Variants in KIRREL3 observed in about 807,000 individuals in gnomAD.
The protein encoded by KIRREL3 is kin of IRRE-like protein 3.
KIRREL3 carries 36 observed loss-of-function variants against 89.7 expected under a neutral mutation model. The observed-to-expected ratio is 0.40, with a 90% CI of 0.31 to 0.53. The LOEUF is 0.53. Ranked by LOEUF, KIRREL3 falls within the 20% of genes least tolerant of loss-of-function variation. The pLI, the probability that KIRREL3 is intolerant of heterozygous loss-of-function variation, is 0.49. For synonymous variants in KIRREL3, 445 were observed against 441.4 expected, an observed-to-expected ratio of 1.01 and a Z score of -0.10; for missense variants, 864 against 1,056.6, an observed-to-expected ratio of 0.82 and a Z score of 2.53.
chr11:126,737,665 AG>A (rs1437512974), intron 1 of KIRREL3, among the ~76,000 whole-genome samples: 1 of 152,130 alleles, frequency 6.6e-6, no homozygotes, highest in South Asian at 2.1e-4. Context: ...TCTCCAGTAG[AG>A]GGGGGCATTT....
At chr11:126,554,280 G>A (rs1939528403) in intron 2 of KIRREL3, among the ~76,000 whole-genome samples, 1 of 152,144 alleles carries the variant, frequency 6.6e-6, no homozygotes. Flanking sequence ...TCATAGCAAG[G>A]CAGTAAATGC....
chr11:126,738,949 T>C (rs1244461084), intron 1 of KIRREL3, among the ~76,000 whole-genome samples: 1 of 152,218 alleles, frequency 6.6e-6, no homozygotes, highest in Non-Finnish European at 1.5e-5. Flanking sequence ...CAAACTATGA[T>C]TTTTTTGACT....
At chr11:126,488,802 C>T (rs192383700) in intron 4 of KIRREL3, among the ~76,000 whole-genome samples, 16 of 152,346 alleles carry the variant, frequency 1.1e-4, no homozygotes, top group East Asian at 9.6e-4. Context: ...CCCAAAATGA[C>T]GATCTAATCA....
chr11:126,960,483 A>G (rs1159843605), intron 1 of KIRREL3, among the ~76,000 whole-genome samples: 2 of 152,236 alleles, frequency 1.3e-5, no homozygotes, highest in African/African-American at 4.8e-5. Flanking sequence ...AGACAAGCAC[A>G]GAGCAAAACT....
At chr11:126,690,910 C>T (rs537836876) in intron 1 of KIRREL3, among the ~76,000 whole-genome samples, 40 of 152,284 alleles carry the variant, frequency 2.6e-4, no homozygotes, top group Admixed American at 1.3e-3. Flanking sequence ...TCACACTGTG[C>T]GAAGTCAGTT....
Position 126,687,578 on chromosome 11 carries a change from C to T in KIRREL3, c.56-124666G>A, listed in dbSNP as rs1181818572. 1.3e-5 allele frequency among the ~76,000 whole-genome samples: 2 copies of T among 152,170 alleles called. No homozygotes were observed. ...TTTGAAGGAGGTCTACTTCCTAAGA[C>T]ATTCTTCTGCTACCATCTCTTGCAT... On this transcript the variant is annotated intron_variant, in intron 1 of 16. Transcript: ENST00000525144. The surrounding 1 kb of genome is among the most constrained non-coding windows in gnomAD (Gnocchi z 4.6).
Position 126,443,343 on chromosome 11 carries a change from G to A in KIRREL3, c.1252+1636C>T, listed in dbSNP as rs903103234. 6.6e-6 allele frequency among the ~76,000 whole-genome samples: 1 copy of A among 152,200 alleles called. No homozygotes were observed. Among genetic ancestry groups the A allele is most frequent in the Non-Finnish European group, 1.5e-5 (1 of 68,022 alleles). ...TCACTGGGGCCTGGAGCTCTGAGCC[G>A]AGTGTCAGACACCTGCGCTGAAAGG... On this transcript the variant is annotated intron_variant, in intron 10 of 16. Coordinates refer to ENST00000525144, the MANE Select transcript of KIRREL3 (RefSeq NM_032531.4). This position sits in a 1 kb window ranked among gnomAD's most constrained non-coding sequence, Gnocchi z 7.3.
chr11:126,947,955 T>C (rs1202726223), intron 1 of KIRREL3, among the ~76,000 whole-genome samples: 2 of 152,190 alleles, frequency 1.3e-5, no homozygotes, highest in Non-Finnish European at 2.9e-5. Context: ...TGAAGCTACT[T>C]GATAAAACAT....
rs1477428489 is a variant in KIRREL3, at chr11:126,441,157, G to T, written c.1253-608C>A. Among the ~76,000 whole-genome samples the T allele has an allele frequency of 2.0e-5, 3 of 152,226 alleles. No individual in the cohort carries two copies. Among genetic ancestry groups the T allele is most frequent in the Non-Finnish European group, 4.4e-5 (3 of 68,036 alleles). On this transcript the variant is annotated intron_variant, in intron 10 of 16. Transcript: ENST00000525144. The surrounding 1 kb of genome is among the most constrained non-coding windows in gnomAD (Gnocchi z 5.0). ...CGTGTTCACAGCCCTCCTCCCACCT[G>T]TGTCTCAGGAGGTCCTGCAGTTCAT...
chr11:126,706,941 CT>C (rs574581679), intron 1 of KIRREL3, among the ~76,000 whole-genome samples: 9,680 of 136,222 alleles, frequency 0.071, 298 homozygotes, highest in African/African-American at 0.081. Context: ...TGTTTTTTGA[CT>C]TTTTTTTTTT....
intron 1 of KIRREL3, among the ~76,000 whole-genome samples, chr11:126,958,231 A>G (rs968459381): frequency 6.6e-6 from 1 of 152,252 alleles, no homozygotes; most frequent in Non-Finnish European, 1.5e-5. Context: ...ATAATTGTGT[A>G]ATTGTGACCA....
chr11:126,877,920 C>A lies in KIRREL3; in HGVS notation c.55+122535G>T, dbSNP rs1412270517. On this transcript the variant is annotated intron_variant, in intron 1 of 16. Transcript: ENST00000525144. The surrounding 1 kb of genome is among the most constrained non-coding windows in gnomAD (Gnocchi z 4.9). ...TTGCAGCGTGTTAAGGCTGGAACTC[C>A]CCCCTAGAGACATAGTCCAAGCTTC... Among the ~76,000 whole-genome samples, 2 of 152,032 alleles carry A rather than the reference C, an allele frequency of 1.3e-5. No homozygotes were observed. Among genetic ancestry groups the A allele is most frequent in the African/African-American group, 4.8e-5 (2 of 41,372 alleles).
intron 1 of KIRREL3, among the ~76,000 whole-genome samples, chr11:126,793,922 T>C (rs187055892): frequency 6.6e-6 from 1 of 152,328 alleles, no homozygotes; most frequent in Admixed American, 6.5e-5. Flanking sequence ...AATAGGCACC[T>C]ATTGAAAATC....
At chr11:126,433,847 G>T (rs4937131) in intron 13 of KIRREL3, among the ~76,000 whole-genome samples, 33,374 of 152,208 alleles carry the variant, frequency 0.22, 4,416 homozygotes, top group East Asian at 0.64. Flanking sequence ...GCCAAAGCAT[G>T]TCCATGGAAG....
chr11:126,449,089 G>A lies in KIRREL3; in HGVS notation c.917C>T (p.Thr306Met), dbSNP rs764052282. 2.5e-6 allele frequency: 4 copies of A among 1,613,988 alleles called. No homozygotes were observed. The highest frequency in any genetic ancestry group is 2.2e-5 in the East Asian group (1 of 44,882). ...GEVYRTTVDY[T>M]YFSEPVSCEV... Reference sequence around the variant, plus strand: ...ACAGGAGACGGGCTCTGAGAAGTACGTGTAGTCCACTGTGGTCCTGTACAC... The same window carrying A: ...ACAGGAGACGGGCTCTGAGAAGTACATGTAGTCCACTGTGGTCCTGTACAC... Residue 306 changes from threonine (T) to methionine (M), a missense_variant, in exon 8 of 17, where the codon ACG becomes ATG. Transcript: ENST00000525144.
Position 126,424,007 on chromosome 11 carries a change from G to C in KIRREL3, c.*573C>G, listed in dbSNP as rs1026656859. The C allele has an allele frequency of 1.9e-5, 3 of 158,540 alleles. No homozygotes were observed. The highest frequency in any genetic ancestry group is 7.2e-5 in the African/African-American group (3 of 41,520). The allele number at this position is 158,540 out of a possible 1,614,324, so 9.8% of individuals were successfully genotyped here. ...CAAATTGGGGGTGGGCTCCCGGCCA[G>C]CCTGGTGAGAGAGAGGCTCCTTTAG... is the stretch of plus-strand genomic sequence containing the variant. On this transcript the variant is annotated 3_prime_UTR_variant, in exon 17 of 17. Coordinates refer to ENST00000525144, the MANE Select transcript of KIRREL3 (RefSeq NM_032531.4).
In KIRREL3 at chr11:126,771,211, G is replaced by A. The variant is rs147430013; in HGVS notation, c.56-208299C>T. On this transcript the variant is annotated intron_variant, in intron 1 of 16. Transcript: ENST00000525144. The surrounding 1 kb of genome is among the most constrained non-coding windows in gnomAD (Gnocchi z 4.4). ...GCTTTTACAACCATTGTCTCAGTGC[G>A]TCCCTAAATAGCCTGGCAAGGAAGG... 5.4e-3 allele frequency among the ~76,000 whole-genome samples: 816 copies of A among 151,822 alleles called. 8 individuals carry two copies. The highest frequency in any genetic ancestry group is 0.018 in the African/African-American group (756 of 41,350).
In KIRREL3 at chr11:126,666,972, G is replaced by A. The variant is rs1015615132; in HGVS notation, c.56-104060C>T. Among the ~76,000 whole-genome samples, 37 of 152,206 alleles carry A rather than the reference G, an allele frequency of 2.4e-4. No homozygotes were observed. The highest frequency in any genetic ancestry group is 8.7e-4 in the African/African-American group (36 of 41,456). On this transcript the variant is annotated intron_variant, in intron 1 of 16. Transcript: ENST00000525144. The surrounding 1 kb of genome is among the most constrained non-coding windows in gnomAD (Gnocchi z 4.2). ...TTCAGATCCCTGATGTGGAGCCAAGGAAAGGCTTGAGTGACTAGGGGTCTT... is the reference window on the plus strand; with the variant it reads ...TTCAGATCCCTGATGTGGAGCCAAGAAAAGGCTTGAGTGACTAGGGGTCTT...
rs1957086441 is a variant in KIRREL3 at position 126,477,023 on chromosome 11, A to G, written c.434-3557T>C. Among the ~76,000 whole-genome samples the G allele has an allele frequency of 6.6e-6, 1 of 152,214 alleles. No individual in the cohort carries two copies. Among genetic ancestry groups the G allele is most frequent in the Non-Finnish European group, 1.5e-5 (1 of 68,036 alleles). On this transcript the variant is annotated intron_variant, in intron 4 of 16. Transcript: ENST00000525144. The surrounding 1 kb of genome is among the most constrained non-coding windows in gnomAD (Gnocchi z 4.8). ...GGTGTTGTGCTTGTTGTCAGTCAGG[A>G]AAAAAATGGCATTAACTGTTGGGGC...
Sources: gnomAD v4.1 joint callset for allele counts (sites outside exome capture counted in the v4.1 genomes callset) on GRCh38, gnomAD v4.1.1 for gene constraint, Gnocchi (gnomAD v3.1) non-coding constraint, MANE v1.5 for transcripts, NCBI Gene and HGNC (gene_info 2026-07-23, HGNC 2026-07-21) for gene names.